PHACTR4: variants seen among roughly 807,000 people sequenced by gnomAD.
The protein encoded by PHACTR4 is protein phosphatase 1, regulatory subunit 124.
Under a neutral mutation model 72.7 loss-of-function variants are expected in PHACTR4, and 51 were observed. The observed-to-expected ratio is 0.70, with a 90% CI of 0.56 to 0.89. The LOEUF (loss-of-function observed/expected upper bound fraction) is 0.89, where lower values mean the gene tolerates loss of function less well. PHACTR4 is among the 40% of genes least tolerant of loss of function. PHACTR4 has a pLI of 0.00. For synonymous variants in PHACTR4, 255 were observed against 302.5 expected, an observed-to-expected ratio of 0.84 and a Z score of 1.63; for missense variants, 731 against 861.8, an observed-to-expected ratio of 0.85 and a Z score of 1.90.
intron 8 of PHACTR4, among the ~76,000 whole-genome samples, 200 bp from the exon 9 acceptor site, chr1:28,480,251 T>C (rs1278518284): frequency 6.6e-6 from 1 of 152,198 alleles, no homozygotes; most frequent in Admixed American, 6.6e-5. Context: ...CTTTTAACCA[T>C]CTTAGTCCAC....
rs746222494 is a variant in PHACTR4 at position 28,473,739 on chromosome 1, A to G, written c.1009A>G (p.Met337Val). 1.1e-5 allele frequency: 17 copies of G among 1,613,820 alleles called. No individual in the cohort carries two copies. The highest frequency in any genetic ancestry group is 1.6e-4 in the Middle Eastern group (1 of 6,084). Residue 337 changes from methionine (M) to valine (V), a missense_variant, in exon 7 of 14, where the codon ATG becomes GTG. Physicochemically the swap from Met to Val is conservative, Grantham distance 21. Around this residue, in one of 2 missense-constraint regions of PHACTR4, gnomAD observed 621 missense variants for 676.6 expected, o/e 0.92. Coordinates refer to ENST00000373839, the MANE Select transcript of PHACTR4 (RefSeq NM_001048183.3). Reference sequence around the variant, plus strand: ...TTCTATGGGCTCGGAACTACTACCAATGATCTCACCTCGCTCTCCGTCCCC... The same window carrying G: ...TTCTATGGGCTCGGAACTACTACCAGTGATCTCACCTCGCTCTCCGTCCCC... ...TCSMGSELLP[M>V]ISPRSPSPPL...
At chr1:28,444,243 T>TTTTTTTTTTTTTTTTTTTTTTTTTC (rs1553194313) in intron 2 of PHACTR4, among the ~76,000 whole-genome samples, 1 of 97,376 alleles carries the variant, frequency 1.0e-5, no homozygotes, top group Non-Finnish European at 2.1e-5. Context: ...TTTTTTTTTT[T>TTTTTTTTTTTTTTTTTTTTTTTTTC]TGAGACAGAG....
At chr1:28,370,811 C>T (rs1651185282) in intron 1 of PHACTR4, among the ~76,000 whole-genome samples, 1 of 152,036 alleles carries the variant, frequency 6.6e-6, no homozygotes, top group Non-Finnish European at 1.5e-5. Flanking sequence ...AAATGAATTT[C>T]GGGCGTGGTG....
At chr1:28,420,275 G>A (rs539536409) in intron 2 of PHACTR4, among the ~76,000 whole-genome samples, 30 of 152,156 alleles carry the variant, frequency 2.0e-4, no homozygotes, top group Non-Finnish European at 1.0e-4. Flanking sequence ...TCATCCCCAC[G>A]TGTCAAGGTA....
chr1:28,483,836 C>G (rs1236636932), intron 9 of PHACTR4, among the ~76,000 whole-genome samples: 1 of 150,710 alleles, frequency 6.6e-6, no homozygotes, highest in Non-Finnish European at 1.5e-5. Flanking sequence ...GATAAATCAG[C>G]CATAATCCTA....
In PHACTR4 at chr1:28,476,324, T is replaced by C. The variant is rs75464344; in HGVS notation, c.1606+33T>C. On this transcript the variant is annotated intron_variant, in intron 8 of 13. Coordinates refer to ENST00000373839, the MANE Select transcript of PHACTR4 (RefSeq NM_001048183.3). ...AGGGAGGGAAAAGCAAAACAGAGAA[T>C]TCTTTTCCAGATAAAACTATTTGCT... 7.0e-4 allele frequency: 1,082 copies of C among 1,547,772 alleles called. 8 individuals carry two copies. In the African/African-American group the frequency reaches 0.014, roughly 20 times the overall value.
In PHACTR4 at chr1:28,476,171, A is replaced by G. The variant is rs747976183; in HGVS notation, c.1486A>G (p.Thr496Ala). Residue 496 changes from threonine to alanine, a missense_variant, in exon 8 of 14, where the codon ACC becomes GCC. Physicochemically the swap from Thr to Ala is moderately conservative, Grantham distance 58. Coordinates refer to ENST00000373839, the MANE Select transcript of PHACTR4 (RefSeq NM_001048183.3). ...CACATTCAGTGAAGAAATGACACCT[A>G]CCTCAGTCATTCCTAAATTACCACA... ...PSTFSEEMTP[T>A]SVIPKLPQCL... The G allele has an allele frequency of 5.6e-6, 9 of 1,613,568 alleles. No homozygotes were observed. The highest frequency in any genetic ancestry group is 7.6e-6 in the Non-Finnish European group (9 of 1,179,742).
At chr1:28,446,145 A>G (rs912416388) in intron 2 of PHACTR4, among the ~76,000 whole-genome samples, 4 of 152,232 alleles carry the variant, frequency 2.6e-5, no homozygotes, top group African/African-American at 9.6e-5. Context: ...TTCTTTTAAA[A>G]AAGGAGAAAC....
chr1:28,404,799 A>T (rs1414291297), intron 1 of PHACTR4, among the ~76,000 whole-genome samples: 1 of 152,246 alleles, frequency 6.6e-6, no homozygotes, highest in East Asian at 1.9e-4. Context: ...TTACACGTAC[A>T]CTTGCAGGTT....
intron 8 of PHACTR4, among the ~76,000 whole-genome samples, chr1:28,477,088 A>ATT (rs761589104): frequency 1.5e-5 from 2 of 129,608 alleles, no homozygotes; most frequent in Admixed American, 8.0e-5. Flanking sequence ...TATATATATA[A>ATT]TTTTTTTTTT....
chr1:28,421,048 T>A (rs1210927506), intron 2 of PHACTR4, among the ~76,000 whole-genome samples: 1 of 152,202 alleles, frequency 6.6e-6, no homozygotes, highest in African/African-American at 2.4e-5. Context: ...TATGTTCTTT[T>A]CTGTTGAACA....
intron 1 of PHACTR4, among the ~76,000 whole-genome samples, chr1:28,380,560 G>T (rs1652086788): frequency 6.6e-6 from 1 of 152,126 alleles, no homozygotes; most frequent in African/African-American, 2.4e-5. Flanking sequence ...CTGTGTCCAT[G>T]TGTTCTCATC....
chr1:28,457,302 A>G (rs1658459744), intron 2 of PHACTR4: 1 of 448,140 alleles, frequency 2.2e-6, no homozygotes, highest in Non-Finnish European at 4.5e-6. Context: ...CCTAGTTTTA[A>G]AAGAGAGAGA....
intron 2 of PHACTR4, among the ~76,000 whole-genome samples, chr1:28,446,365 C>T (rs1657467736): frequency 6.6e-6 from 1 of 152,270 alleles, no homozygotes; most frequent in African/African-American, 2.4e-5. Context: ...AAATTGTAAT[C>T]CCCAGTGTTG....
At chr1:28,487,717 G>GTTTTTTTTTTTTT (rs1320016675) in intron 9 of PHACTR4, among the ~76,000 whole-genome samples, 2 of 102,416 alleles carry the variant, frequency 2.0e-5, no homozygotes, top group African/African-American at 8.1e-5. Flanking sequence ...ACAAATTGTA[G>GTTTTTTTTTTTTT]TTTTTTGTTG....
chr1:28,380,571 A>T (rs1652087400), intron 1 of PHACTR4, among the ~76,000 whole-genome samples: 2 of 152,108 alleles, frequency 1.3e-5, no homozygotes, highest in South Asian at 4.1e-4. Flanking sequence ...TGTTCTCATC[A>T]TGCAATATTT....
At position 28,491,789 on chromosome 1, in the gene PHACTR4, T is replaced by C; in HGVS notation, c.2016+2T>C. The C allele has an allele frequency of 6.2e-7, 1 of 1,611,942 alleles. No individual in the cohort carries two copies. The highest frequency in any genetic ancestry group is 8.5e-7 in the Non-Finnish European group (1 of 1,179,356). ...ACCAAACTGACCCCTGCTGACAAGG[T>C]ACCTGGAAAGCACTCTCTTGCTTTT... On this transcript the variant is annotated splice_donor_variant, in intron 12 of 13. Coordinates refer to ENST00000373839, the MANE Select transcript of PHACTR4 (RefSeq NM_001048183.3). LOFTEE classifies it high-confidence loss of function.
At position 28,466,662 on chromosome 1, in the gene PHACTR4, C is replaced by G; in HGVS notation, c.717C>G (p.Ala239=). ...CCAGGACTCTGCCTGCTGCTCCTGC[C>G]AGCACTAACACTACTGCTACCCCAA... ...PAPRTLPAAP[A]STNTTATPSL... The change falls in exon 6 of 14, where the codon GCC becomes GCG. Residue 239 remains alanine, a synonymous_variant. Coordinates refer to ENST00000373839, the MANE Select transcript of PHACTR4 (RefSeq NM_001048183.3). 1 of 1,614,020 alleles carries G rather than the reference C, an allele frequency of 6.2e-7. No homozygotes were observed. Among genetic ancestry groups the G allele is most frequent in the Non-Finnish European group, 8.5e-7 (1 of 1,179,994 alleles).
At chr1:28,452,948 A>G (rs145657922) in intron 2 of PHACTR4, among the ~76,000 whole-genome samples, 1,524 of 152,152 alleles carry the variant, frequency 0.01, 12 homozygotes, top group Non-Finnish European at 0.016. Context: ...GCGAAACCCT[A>G]TCTCTACTAA....
Sources: allele counts gnomAD v4.1 joint callset (sites outside exome capture counted in the v4.1 genomes callset), GRCh38; gene constraint gnomAD v4.1.1; regional missense constraint gnomAD v4.1.1; transcripts MANE v1.5; gene names NCBI Gene and HGNC (gene_info 2026-07-23, HGNC 2026-07-21).